WDPCP: variants seen among roughly 807,000 people sequenced by gnomAD.
WDPCP encodes the protein WD repeat containing planar cell polarity effector.
Under a neutral mutation model 93.1 loss-of-function variants are expected in WDPCP, and 71 were observed. That is an observed-to-expected ratio of 0.76 (90% CI 0.63 to 0.93). WDPCP has a LOEUF of 0.93. Ranked by LOEUF, WDPCP falls within the 40% of genes least tolerant of loss-of-function variation. WDPCP has a pLI of 0.00. For missense variants in WDPCP, 844 were observed against 887.4 expected (o/e 0.95, Z 0.62); for synonymous variants, 315 against 315.0 (o/e 1.00, Z 0.00).
At chr2:63,589,058 C>A, upstream of WDPCP, 1 of 1,614,170 alleles carries the variant, frequency 6.2e-7, no homozygotes, top group Non-Finnish European at 8.5e-7. Context: ...TGAGTGTGGG[C>A]CCCGGGTTCC....
intron 2 of WDPCP, among the ~76,000 whole-genome samples, chr2:63,704,332 C>T (rs1669111852): frequency 6.6e-6 from 1 of 152,138 alleles, no homozygotes. Context: ...ACTTCCAACA[C>T]TATGTTGAAT....
At chr2:63,646,420 TAA>T (rs1036137400) in intron 3 of WDPCP, among the ~76,000 whole-genome samples, 29 of 152,300 alleles carry the variant, frequency 1.9e-4, no homozygotes, top group Non-Finnish European at 2.2e-4. Context: ...TGTTTTAACT[TAA>T]GAGTAGTTTA....
At chr2:63,828,807 C>A (rs191028645), upstream of WDPCP, among the ~76,000 whole-genome samples, 22 of 152,136 alleles carry the variant, frequency 1.4e-4, no homozygotes, top group East Asian at 4.2e-3. Context: ...AACTCTTGCC[C>A]CTGCCCTAGC....
chr2:63,753,962 G>A (rs377291000), intron 2 of WDPCP, among the ~76,000 whole-genome samples: 1 of 152,220 alleles, frequency 6.6e-6, no homozygotes, highest in Non-Finnish European at 1.5e-5. Flanking sequence ...GGGACTCCTC[G>A]GGAAAAACCT....
At chr2:63,439,631 T>A in intron 7 of WDPCP, 126 bp downstream of exon 7, 1 of 777,974 alleles carries the variant, frequency 1.3e-6, no homozygotes, top group Admixed American at 2.1e-5. Flanking sequence ...GTAAGTACGC[T>A]ATTACAAGCA....
intron 2 of WDPCP, among the ~76,000 whole-genome samples, chr2:63,729,449 G>A (rs573982833): frequency 6.6e-6 from 1 of 152,076 alleles, no homozygotes; most frequent in Non-Finnish European, 1.5e-5. Context: ...GATTCAGTTT[G>A]TATTTTTCAG....
chr2:63,359,310 CTT>C (rs1366806431), intron 12 of WDPCP, among the ~76,000 whole-genome samples: 1 of 152,120 alleles, frequency 6.6e-6, no homozygotes, highest in Admixed American at 6.6e-5. Context: ...AATCCATAAA[CTT>C]TTTTAGAAGC....
intron 13 of WDPCP, among the ~76,000 whole-genome samples, chr2:63,296,890 G>A (rs576357936): frequency 6.6e-6 from 1 of 152,254 alleles, no homozygotes; most frequent in East Asian, 1.9e-4. Context: ...CAGATTCAAT[G>A]CAATTCCTAT....
intron 14 of WDPCP, among the ~76,000 whole-genome samples, chr2:63,181,505 GTATA>G (rs958034703): frequency 6.6e-6 from 1 of 151,996 alleles, no homozygotes; most frequent in African/African-American, 2.4e-5. Flanking sequence ...TTGTCTGTAG[GTATA>G]TGGCTTTATT....
At chr2:63,307,729 A>G (rs772812746) in intron 13 of WDPCP, among the ~76,000 whole-genome samples, 1 of 152,234 alleles carries the variant, frequency 6.6e-6, no homozygotes, top group Non-Finnish European at 1.5e-5. Context: ...TTAACTCAAG[A>G]TGGATTAACC....
chr2:63,272,865 T>G (rs1043266373), intron 13 of WDPCP, among the ~76,000 whole-genome samples: 16 of 152,184 alleles, frequency 1.1e-4, no homozygotes, highest in African/African-American at 3.6e-4. Flanking sequence ...TTCCCAAATC[T>G]TACAAGAGAC....
chr2:63,241,822 C>A (rs1679878594), intron 14 of WDPCP, among the ~76,000 whole-genome samples: 1 of 152,126 alleles, frequency 6.6e-6, no homozygotes, highest in Admixed American at 6.5e-5. Context: ...TCTCAAACTT[C>A]TGGGCTCAAG....
intron 2 of WDPCP, among the ~76,000 whole-genome samples, chr2:63,742,371 G>T (rs928493165): frequency 6.6e-6 from 1 of 151,846 alleles, no homozygotes; most frequent in Non-Finnish European, 1.5e-5. Context: ...CTTAATTAAA[G>T]TGCCATGTAA....
intron 12 of WDPCP, among the ~76,000 whole-genome samples, chr2:63,315,126 C>G (rs958303026): frequency 2.0e-5 from 3 of 152,052 alleles, no homozygotes; most frequent in African/African-American, 7.2e-5. Context: ...ACCAAGGGGG[C>G]CATATCCTCC....
At chr2:63,502,251 A>G (rs1701605119) in intron 1 of WDPCP, among the ~76,000 whole-genome samples, 1 of 152,218 alleles carries the variant, frequency 6.6e-6, no homozygotes, top group South Asian at 2.1e-4. Flanking sequence ...TGATGTTTTA[A>G]TAGCCACAAT....
intron 14 of WDPCP, among the ~76,000 whole-genome samples, chr2:63,224,733 G>A (rs1324247748): frequency 6.6e-6 from 1 of 151,958 alleles, no homozygotes. Flanking sequence ...GACTAGGGAG[G>A]AGAGAGAGAT....
At chr2:63,731,476 A>G (rs935829933) in intron 2 of WDPCP, among the ~76,000 whole-genome samples, 1 of 152,088 alleles carries the variant, frequency 6.6e-6, no homozygotes, top group African/African-American at 2.4e-5. Context: ...CTCCCAAGAA[A>G]TTTTCATCAC....
intron 2 of WDPCP, among the ~76,000 whole-genome samples, chr2:63,754,813 C>A (rs890636685): frequency 6.6e-6 from 1 of 152,238 alleles, no homozygotes; most frequent in Non-Finnish European, 1.5e-5. Context: ...GCATAACAAA[C>A]TTAGCAGCTT....
chr2:63,792,635 A>G (rs1670561123), intron 2 of WDPCP, among the ~76,000 whole-genome samples: 1 of 152,204 alleles, frequency 6.6e-6, no homozygotes. Context: ...CTGGCAGAGC[A>G]TGAAAGAGCT....
Sources: allele counts gnomAD v4.1 joint callset (sites outside exome capture counted in the v4.1 genomes callset), GRCh38; gene constraint gnomAD v4.1.1; transcripts MANE v1.5; gene names NCBI Gene and HGNC (gene_info 2026-07-23, HGNC 2026-07-21).